LATS2: variants seen among roughly 807,000 people sequenced by gnomAD.
LATS2 encodes the protein serine/threonine-protein kinase LATS2.
Under a neutral mutation model 76.0 loss-of-function variants are expected in LATS2, and 24 were observed. That is an observed-to-expected ratio of 0.32 (90% CI 0.23 to 0.44). The LOEUF (loss-of-function observed/expected upper bound fraction) is 0.44, where lower values mean the gene tolerates loss of function less well. Among genes scored for constraint, LATS2 ranks in the 20% least tolerant of loss-of-function variants. The pLI is 1.00. For missense variants in LATS2, 1,286 were observed against 1,481.2 expected (o/e 0.87, Z 2.16); for synonymous variants, 692 against 635.4 (o/e 1.09, Z -1.34).
intron 2 of LATS2, among the ~76,000 whole-genome samples, chr13:20,998,708 T>C (rs1311549758): frequency 6.6e-6 from 1 of 152,158 alleles, no homozygotes; most frequent in Non-Finnish European, 1.5e-5. Flanking sequence ...CCCGGCGATC[T>C]TGGGCAGGTG....
At chr13:20,981,407 C>G in intron 6 of LATS2, 59 bp downstream of exon 6, 1 of 1,489,482 alleles carries the variant, frequency 6.7e-7, no homozygotes, top group Non-Finnish European at 9.1e-7. Flanking sequence ...CAGCGAGACT[C>G]AGCTCACGTC....
intron 2 of LATS2, among the ~76,000 whole-genome samples, chr13:21,042,652 A>G (rs183622656): frequency 1.4e-4 from 21 of 152,172 alleles, no homozygotes; most frequent in African/African-American, 4.1e-4. Flanking sequence ...TCACCACCAC[A>G]CTCCAGACTG....
At position 20,987,933 on chromosome 13, in the gene LATS2, G is replaced by A. The variant is rs1156499547; in HGVS notation, c.1847C>T (p.Thr616Ile). 8 of 1,614,226 alleles carry A rather than the reference G, an allele frequency of 5.0e-6. No homozygotes were observed. Among genetic ancestry groups the A allele is most frequent in the Non-Finnish European group, 6.8e-6 (8 of 1,180,028 alleles). ...MEQHVENVIK[T>I]YQQKVNRRLQ... ...CCTCCGGTTAACCTTCTGCTGGTAG[G>A]TTTTGATGACATTCTCCACGTGCTG... Residue 616 changes from threonine to isoleucine, a missense_variant, in exon 4 of 8, where the codon ACC becomes ATC. By Grantham distance (89) the Thr-to-Ile change is moderately conservative (BLOSUM62 -1). Around this residue, in one of 5 missense-constraint regions of LATS2, gnomAD observed 247 missense variants for 385.4 expected, o/e 0.64. Coordinates refer to ENST00000382592, the MANE Select transcript of LATS2 (RefSeq NM_014572.3).
chr13:21,050,941 GA>G (rs950723056), intron 1 of LATS2, among the ~76,000 whole-genome samples: 7 of 152,384 alleles, frequency 4.6e-5, no homozygotes, highest in Admixed American at 2.6e-4. Context: ...ACAGCCACGT[GA>G]GGGGGGGCAG....
intron 2 of LATS2, among the ~76,000 whole-genome samples, chr13:21,003,212 GA>G (rs34624036): frequency 0.26 from 38,775 of 151,962 alleles, 5,328 homozygotes; most frequent in African/African-American, 0.35. Flanking sequence ...TGTGATCAGT[GA>G]ATTTTGAGAA....
chr13:21,060,747 C>T (rs1038980859), intron 1 of LATS2, among the ~76,000 whole-genome samples: 3 of 151,276 alleles, frequency 2.0e-5, no homozygotes, highest in Non-Finnish European at 4.4e-5. Flanking sequence ...GACGACGGGG[C>T]GGCCGGCGGG....
rs752127840 is a variant in LATS2 at position 20,973,221 on chromosome 13, C to G, written c.*1649G>C. 25 of 232,430 alleles carry G rather than the reference C, an allele frequency of 1.1e-4. No individual in the cohort carries two copies. Among genetic ancestry groups the G allele is most frequent in the Non-Finnish European group, 1.4e-4 (17 of 117,448 alleles). The allele number at this position is 232,430 out of a possible 1,614,324, so 14.4% of individuals were successfully genotyped here. A position where few individuals can be genotyped will look rare whatever the true frequency, so the allele number is the denominator to read the frequency against. ...GCGAGAATACTGACAGTCACGACGACAGGCACAGCAGACTTGAGTATGCCA... is the reference window on the plus strand; with the variant it reads ...GCGAGAATACTGACAGTCACGACGAGAGGCACAGCAGACTTGAGTATGCCA... On this transcript the variant is annotated 3_prime_UTR_variant, in exon 8 of 8. Transcript: ENST00000382592.
intron 2 of LATS2, among the ~76,000 whole-genome samples, chr13:20,999,104 C>A (rs1870911933): frequency 6.6e-6 from 1 of 152,262 alleles, no homozygotes; most frequent in African/African-American, 2.4e-5. Context: ...CAGCACGTGC[C>A]GTGTGCGAGC....
chr13:21,051,185 G>A (rs780316499), intron 1 of LATS2, among the ~76,000 whole-genome samples: 21 of 152,310 alleles, frequency 1.4e-4, no homozygotes, highest in South Asian at 1.2e-3. Context: ...GTATACATGT[G>A]ATGTGAGACA....
Position 21,007,565 on chromosome 13 carries a change from A to AC in LATS2, c.343-16162_343-16161insG, listed in dbSNP as rs371733790. 5.2e-4 allele frequency among the ~76,000 whole-genome samples: 9 copies of AC among 17,216 alleles called. 1 individual carries two copies. The highest frequency in any genetic ancestry group is 2.7e-3 in the African/African-American group (4 of 1,498). 11.3% of individuals were successfully genotyped at this position (17,216 alleles called of 152,430 possible). On this transcript the variant is annotated intron_variant, in intron 2 of 7. Coordinates refer to ENST00000382592, the MANE Select transcript of LATS2 (RefSeq NM_014572.3). ...ATATAGTATATATATATATATATAT[A>AC]TATATATATATATATATATATAGTA...
intron 1 of LATS2, among the ~76,000 whole-genome samples, chr13:21,048,651 T>G (rs934700073): frequency 6.6e-6 from 1 of 151,840 alleles, no homozygotes; most frequent in Non-Finnish European, 1.5e-5. Flanking sequence ...GGCTAACATA[T>G]AGTGAAACCC....
chr13:20,993,035 CAAAAAAAAA>C (rs551359225), intron 2 of LATS2, among the ~76,000 whole-genome samples: 19 of 88,966 alleles, frequency 2.1e-4, no homozygotes, highest in East Asian at 7.0e-4. Context: ...ACTCCATCTC[CAAAAAAAAA>C]AAAAAAAAAA....
In LATS2 at chr13:20,988,504, G is replaced by C; in HGVS notation, c.1276C>G (p.Leu426Val). ...GCCGTCACGGTGTTGGGGGCGGGCA[G>C]GGAGGGCTCGGCCTTGCCAGGCGGA... ...PGPPGKAEPS[L>V]PAPNTVTAVT... Residue 426 changes from leucine (L) to valine (V), a missense_variant, in exon 4 of 8, where the codon CTG becomes GTG. Coordinates refer to ENST00000382592, the MANE Select transcript of LATS2 (RefSeq NM_014572.3). 1 of 1,556,336 alleles carries C rather than the reference G, an allele frequency of 6.4e-7. No individual in the cohort carries two copies. Among genetic ancestry groups the C allele is most frequent in the Non-Finnish European group, 8.6e-7 (1 of 1,159,276 alleles).
At chr13:21,061,283 C>T (rs1873638799) in intron 1 of LATS2, 63 bp downstream of exon 1, 1 of 152,350 alleles carries the variant, frequency 6.6e-6, no homozygotes, top group Admixed American at 6.5e-5. Flanking sequence ...GGCTCGACCG[C>T]TTCGCGGAAA....
Position 20,983,642 on chromosome 13 carries a change from C to T in LATS2, c.2064G>A (p.Val688=). ...AFGEVCLACK[V]DTHALYAMKT... ...TCATGGCGTACAGGGCGTGAGTGTC[C>T]ACCTTACAAGCAAGGCACACTTCTC... The change falls in exon 5 of 8, where the codon GTG becomes GTA. Residue 688 remains valine, a synonymous_variant. Transcript: ENST00000382592. 6.2e-7 allele frequency: 1 copy of T among 1,614,100 alleles called. No homozygotes were observed. Among genetic ancestry groups the T allele is most frequent in the Non-Finnish European group, 8.5e-7 (1 of 1,180,024 alleles).
In LATS2 at chr13:20,988,920, G is replaced by T; in HGVS notation, c.860C>A (p.Ala287Asp). 1.3e-6 allele frequency: 2 copies of T among 1,524,316 alleles called. No individual in the cohort carries two copies. Among genetic ancestry groups the T allele is most frequent in the Non-Finnish European group, 1.8e-6 (2 of 1,139,954 alleles). The allele number at this position is 1,524,316 out of a possible 1,614,324, so 94.4% of individuals were successfully genotyped here. Residue 287 changes from alanine to aspartate, a missense_variant, in exon 4 of 8, where the codon GCC (alanine) becomes GAC (aspartate). Around this residue, in one of 5 missense-constraint regions of LATS2, gnomAD observed 710 missense variants for 660.9 expected, o/e 1.07. Coordinates refer to ENST00000382592, the MANE Select transcript of LATS2 (RefSeq NM_014572.3). ...TCCCTGGCCCTTCGTGGGCAGGCTG[G>T]CGTAACCCCCGGTCTCCGGCGGCGT... ...SKTPPETGGY[A>D]SLPTKGQGGP...
chr13:20,982,472 G>A (rs529999586), intron 5 of LATS2, among the ~76,000 whole-genome samples: 16 of 152,218 alleles, frequency 1.1e-4, no homozygotes, highest in South Asian at 8.3e-4. Flanking sequence ...CACCACGCCC[G>A]GCTAATTTTG....
Position 21,010,711 on chromosome 13 carries a change from G to A in LATS2, c.343-19307C>T, listed in dbSNP as rs535414815. ...CCAAGTGGCCATTTGCTGACTAGTC[G>A]TCACACATGTACTTTGAATTCCTGG... On this transcript the variant is annotated intron_variant, in intron 2 of 7. Coordinates refer to ENST00000382592, the MANE Select transcript of LATS2 (RefSeq NM_014572.3). Among the ~76,000 whole-genome samples, 22 of 152,254 alleles carry A rather than the reference G, an allele frequency of 1.4e-4. 1 individual carries two copies. Among genetic ancestry groups the A allele is most frequent in the East Asian group, 1.2e-3 (6 of 5,182 alleles).
Position 20,988,308 on chromosome 13 carries a change from G to A in LATS2, c.1472C>T (p.Ala491Val), listed in dbSNP as rs1462436233. The change falls in exon 4 of 8, where the codon GCC becomes GTC. Residue 491 changes from alanine (A) to valine (V), a missense_variant. This residue lies in a region of LATS2 where 710 missense variants were observed against 660.9 expected (regional missense o/e 1.07). Transcript: ENST00000382592. The part of the protein sequence containing the change: ...AEGLDAKEEH[A>V]LALGGAGAFP... ...GGCGCCTGCGCCGCCCAGCGCCAGG[G>A]CATGCTCCTCCTTGGCGTCCAAGCC... The A allele has an allele frequency of 1.9e-6, 3 of 1,557,364 alleles. No homozygotes were observed. The highest frequency in any genetic ancestry group is 2.3e-5 in the East Asian group (1 of 43,096).
Sources: gnomAD v4.1 joint callset for allele counts (sites outside exome capture counted in the v4.1 genomes callset) on GRCh38, gnomAD v4.1.1 for gene constraint, gnomAD v4.1.1 regional missense constraint, MANE v1.5 for transcripts, NCBI Gene and HGNC (gene_info 2026-07-23, HGNC 2026-07-21) for gene names.